The following FIP1L1 variants were observed in gnomAD, a reference collection of about 807,000 sequenced individuals.
FIP1L1 encodes the protein factor interacting with PAPOLA and CPSF1.
In FIP1L1, 21 loss-of-function variants were observed where a neutral mutation model predicts 84.6. That is an observed-to-expected ratio of 0.25 (90% confidence interval 0.18 to 0.36). The LOEUF is 0.36. FIP1L1 is among the 10% of genes least tolerant of loss of function. The probability of loss-of-function intolerance (pLI) is 1.00; values close to 1 mark genes in which losing one functional copy is unlikely to be tolerated. For missense variants in FIP1L1, 526 were observed against 751.1 expected, an observed-to-expected ratio of 0.70 and a Z score of 3.50; for synonymous variants, 263 against 242.3, an observed-to-expected ratio of 1.09 and a Z score of -0.80.
intron 4 of FIP1L1, among the ~76,000 whole-genome samples, chr4:53,382,570 T>G (rs1022509929): frequency 1.3e-5 from 2 of 152,214 alleles, no homozygotes; most frequent in Admixed American, 6.5e-5. Context: ...GGCTTGATGT[T>G]TATTGCTTTC....
chr4:53,440,616 T>G, intron 13 of FIP1L1: 1 of 1,511,026 alleles, frequency 6.6e-7, no homozygotes, highest in South Asian at 1.2e-5. Context: ...CAGGTAAAAC[T>G]TTTTTCATGT....
chr4:53,378,354 C>T (rs1735847027), intron 1 of FIP1L1: 1 of 159,292 alleles, frequency 6.3e-6, no homozygotes, highest in South Asian at 2.0e-4. Context: ...GTAATAATAG[C>T]TAAATAAAGT....
intron 5 of FIP1L1, among the ~76,000 whole-genome samples, 193 bp from the exon 6 acceptor site, chr4:53,389,616 G>A (rs1169735545): frequency 1.3e-5 from 2 of 152,076 alleles, no homozygotes; most frequent in South Asian, 2.1e-4. Flanking sequence ...TCTGGAGTTC[G>A]AGACCAGCCT....
chr4:53,420,293 G>GT (rs1426437420), intron 11 of FIP1L1, among the ~76,000 whole-genome samples: 1 of 150,368 alleles, frequency 6.7e-6, no homozygotes, highest in Non-Finnish European at 1.5e-5. Flanking sequence ...ATAGCTGGGC[G>GT]TGGTAGCATG....
In FIP1L1 at chr4:53,383,792, ATGATAG is replaced by A; in HGVS notation, c.258_263del (p.Ser89_Asp90del). ...ATGTAGAAAGTGACTGAGACCGAAG[ATGATAG>A]TGATAGTGACAGCGATGATGATGAA... On this transcript the variant is annotated inframe_deletion, in exon 5 of 18. Coordinates refer to ENST00000337488, the MANE Select transcript of FIP1L1 (RefSeq NM_030917.4). 1.2e-6 allele frequency: 2 copies of A among 1,611,020 alleles called. No homozygotes were observed. Among genetic ancestry groups the A allele is most frequent in the Non-Finnish European group, 1.7e-6 (2 of 1,177,458 alleles).
intron 10 of FIP1L1, among the ~76,000 whole-genome samples, chr4:53,404,002 A>G (rs561860361): frequency 1.1e-5 from 1 of 93,658 alleles, no homozygotes; most frequent in South Asian, 3.9e-4. Context: ...GTCATCGTAT[A>G]AAATGCACTT....
chr4:53,387,904 A>G (rs1403637636), intron 5 of FIP1L1, among the ~76,000 whole-genome samples: 3 of 152,216 alleles, frequency 2.0e-5, no homozygotes, highest in Non-Finnish European at 2.9e-5. Context: ...AGCTCCTCAT[A>G]CTTTTTCCTC....
At chr4:53,389,783 GTT>G in intron 5 of FIP1L1, 24 bp from the exon 6 acceptor site, 1 of 1,528,056 alleles carries the variant, frequency 6.5e-7, no homozygotes, top group Admixed American at 1.9e-5. Flanking sequence ...GATAATTTCT[GTT>G]TTTTTTTGTT....
chr4:53,446,179 A>G (rs1000427475), intron 15 of FIP1L1, among the ~76,000 whole-genome samples: 5 of 147,594 alleles, frequency 3.4e-5, no homozygotes, highest in East Asian at 2.0e-4. Context: ...TTCAATGACT[A>G]TGTTTCTTCC....
chr4:53,440,732 C>G (rs1246980352), intron 13 of FIP1L1: 5 of 709,220 alleles, frequency 7.1e-6, no homozygotes, highest in Admixed American at 2.3e-5. Flanking sequence ...TTTCAAGGTC[C>G]TATTTTCAGC....
intron 14 of FIP1L1, 76 bp downstream of exon 14, chr4:53,442,783 C>A: frequency 1.2e-6 from 1 of 819,148 alleles, no homozygotes; most frequent in Non-Finnish European, 2.0e-6. Context: ...GAAATATTTT[C>A]AGATATTTAA....
chr4:53,415,854 A>G (rs950226270), intron 11 of FIP1L1, among the ~76,000 whole-genome samples: 2 of 152,210 alleles, frequency 1.3e-5, no homozygotes, highest in African/African-American at 4.8e-5. Context: ...TCTAGCAACT[A>G]ATGTAGATAA....
intron 13 of FIP1L1, among the ~76,000 whole-genome samples, chr4:53,439,346 C>T (rs1234818298): frequency 6.6e-6 from 1 of 151,920 alleles, no homozygotes; most frequent in Admixed American, 6.6e-5. Context: ...TATCTTTAGT[C>T]TTGTTGGCTT....
At chr4:53,454,651 A>G (rs1189946508) in intron 16 of FIP1L1, among the ~76,000 whole-genome samples, 2 of 152,124 alleles carry the variant, frequency 1.3e-5, no homozygotes, top group African/African-American at 4.8e-5. Flanking sequence ...GGCAGAGTCG[A>G]TTTACCATAA....
chr4:53,452,063 T>C (rs963923887), intron 15 of FIP1L1, among the ~76,000 whole-genome samples: 1 of 152,070 alleles, frequency 6.6e-6, no homozygotes, highest in African/African-American at 2.4e-5. Context: ...TTTGTATTTT[T>C]AGTAGAGACA....
chr4:53,452,489 T>C (rs542403184), intron 15 of FIP1L1, among the ~76,000 whole-genome samples: 1 of 152,254 alleles, frequency 6.6e-6, no homozygotes, highest in South Asian at 2.1e-4. Flanking sequence ...CGGCAAATTT[T>C]TATATTTTTA....
intron 1 of FIP1L1, 97 bp from the exon 2 acceptor site, chr4:53,378,976 G>T: frequency 3.3e-6 from 4 of 1,202,632 alleles, no homozygotes; most frequent in Non-Finnish European, 4.8e-6. Flanking sequence ...TTAAATTTAA[G>T]CTTATTTTTA....
chr4:53,429,556 A>G (rs1765676894), intron 13 of FIP1L1, among the ~76,000 whole-genome samples: 1 of 152,232 alleles, frequency 6.6e-6, no homozygotes, highest in South Asian at 2.1e-4. Context: ...TATTTGATTA[A>G]TGATACTAAA....
chr4:53,455,407 A>G (rs1718392715), intron 16 of FIP1L1, among the ~76,000 whole-genome samples: 1 of 152,160 alleles, frequency 6.6e-6, no homozygotes, highest in African/African-American at 2.4e-5. Flanking sequence ...CTTTTGATTT[A>G]AAATGAGAGA....
Sources: allele counts gnomAD v4.1 joint callset (sites outside exome capture counted in the v4.1 genomes callset), GRCh38; gene constraint gnomAD v4.1.1; transcripts MANE v1.5; gene names NCBI Gene and HGNC (gene_info 2026-07-23, HGNC 2026-07-21).